The following WDR27 variants were observed in gnomAD, a reference collection of about 807,000 sequenced individuals.
WDR27 encodes the protein WD repeat domain 27.
A neutral mutation model predicts 114.4 loss-of-function variants in WDR27; 100 were observed. That is an observed-to-expected ratio of 0.87 (90% CI 0.74 to 1.03). WDR27 has a LOEUF of 1.03. Among genes scored for constraint, WDR27 ranks in the 50% least tolerant of loss-of-function variants. The pLI, the probability that WDR27 is intolerant of heterozygous loss-of-function variation, is 0.00. For synonymous variants in WDR27, 449 were observed against 423.1 expected, an observed-to-expected ratio of 1.06 and a Z score of -0.75; for missense variants, 1,129 against 1,092.9, an observed-to-expected ratio of 1.03 and a Z score of -0.47.
chr6:169,696,921 A>G (rs1412880907), intron 1 of WDR27, among the ~76,000 whole-genome samples: 2 of 152,184 alleles, frequency 1.3e-5, no homozygotes, highest in African/African-American at 4.8e-5. Context: ...CTCAAAAACA[A>G]ACAAAAGCAA....
chr6:169,658,487 G>C (rs1264731814), intron 12 of WDR27, 129 bp from the exon 13 acceptor site: 9 of 683,184 alleles, frequency 1.3e-5, no homozygotes, highest in Non-Finnish European at 2.3e-5. Flanking sequence ...AACAGTATCT[G>C]AAAATGAAAA....
the WDR27 span, among the ~76,000 whole-genome samples, chr6:169,442,453 G>T: frequency 1.3e-5 from 2 of 152,018 alleles, no homozygotes; most frequent in Non-Finnish European, 1.5e-5. Context: ...TGTTTGTTTT[G>T]TATTTTCTTT....
At chr6:169,654,773 A>C (rs1045579952) in intron 13 of WDR27, among the ~76,000 whole-genome samples, 1 of 141,534 alleles carries the variant, frequency 7.1e-6, no homozygotes, top group South Asian at 2.2e-4. Context: ...CGCACAGCAG[A>C]AGGAGGCGCG....
At chr6:169,623,862 G>A (rs1195600566) in intron 21 of WDR27, among the ~76,000 whole-genome samples, 1 of 152,102 alleles carries the variant, frequency 6.6e-6, no homozygotes, top group Non-Finnish European at 1.5e-5. Flanking sequence ...TCCTCACACT[G>A]GCTGAGGGCA....
chr6:169,634,395 T>C (rs1217464381), intron 20 of WDR27, 33 bp downstream of exon 20: 1 of 1,543,834 alleles, frequency 6.5e-7, no homozygotes, highest in East Asian at 2.3e-5. Flanking sequence ...ACTCAGGGCG[T>C]AAAACCCTAC....
At chr6:169,435,895 T>C in the WDR27 span, among the ~76,000 whole-genome samples, 2 of 152,214 alleles carry the variant, frequency 1.3e-5, no homozygotes, top group African/African-American at 4.8e-5. Context: ...CAGAATGATA[T>C]GGTTTGGCTG....
At chr6:169,438,526 C>T in the WDR27 span, among the ~76,000 whole-genome samples, 53 of 152,266 alleles carry the variant, frequency 3.5e-4, no homozygotes, top group Admixed American at 1.3e-3. Flanking sequence ...CGTGAGCCAC[C>T]GCACCCAGCC....
chr6:169,448,518 G>A, the WDR27 span, among the ~76,000 whole-genome samples: 5 of 152,122 alleles, frequency 3.3e-5, no homozygotes, highest in Non-Finnish European at 1.5e-5. Flanking sequence ...ACTCAGCTGA[G>A]TGCCACAATA....
chr6:169,597,793 T>C lies in WDR27; in HGVS notation c.2424+4426A>G, dbSNP rs139553243. Among the ~76,000 whole-genome samples, 324 of 152,026 alleles carry C rather than the reference T, an allele frequency of 2.1e-3. 3 individuals carry two copies. The highest frequency in any genetic ancestry group is 7.5e-3 in the African/African-American group (311 of 41,488). On this transcript the variant is annotated intron_variant, in intron 23 of 25. Transcript: ENST00000448612. ...ACTTGACCCTCCATGGCCCTAAAGTTTTCAAGTTTTTATCTCTACATCCCT... is the reference window on the plus strand; with the variant it reads ...ACTTGACCCTCCATGGCCCTAAAGTCTTCAAGTTTTTATCTCTACATCCCT...
At chr6:169,502,925 T>C (rs1044219958) in intron 25 of WDR27, among the ~76,000 whole-genome samples, 1 of 152,144 alleles carries the variant, frequency 6.6e-6, no homozygotes, top group Admixed American at 6.5e-5. Flanking sequence ...ACTTCTTCTA[T>C]AGGCTTCCCC....
chr6:169,517,418 A>G (rs1793817035), intron 25 of WDR27, among the ~76,000 whole-genome samples: 1 of 152,236 alleles, frequency 6.6e-6, no homozygotes. Flanking sequence ...AACAGAGTGA[A>G]GCCAGCCTGC....
chr6:169,585,719 G>C (rs1016224340), intron 23 of WDR27, among the ~76,000 whole-genome samples: 14 of 152,056 alleles, frequency 9.2e-5, no homozygotes, highest in African/African-American at 3.4e-4. Flanking sequence ...TCACTGAGTG[G>C]CATCATAGAG....
chr6:169,552,172 T>G (rs1352174685), intron 25 of WDR27, among the ~76,000 whole-genome samples: 2 of 152,094 alleles, frequency 1.3e-5, no homozygotes, highest in Non-Finnish European at 2.9e-5. Context: ...GTTCTCATCG[T>G]CCCACCACCC....
At chr6:169,551,549 A>G (rs1028244092) in intron 25 of WDR27, among the ~76,000 whole-genome samples, 2 of 152,088 alleles carry the variant, frequency 1.3e-5, no homozygotes, top group African/African-American at 2.4e-5. Context: ...AGCCTGGCCA[A>G]CATGGTGAAA....
At chr6:169,479,267 CAACA>C (rs777376771) in intron 25 of WDR27, among the ~76,000 whole-genome samples, 2 of 151,938 alleles carry the variant, frequency 1.3e-5, no homozygotes, top group Non-Finnish European at 2.9e-5. Context: ...TACAAGTGGC[CAACA>C]AACAAATGAA....
rs1311149582 is a variant in WDR27, at chr6:169,596,327, T to A, written c.2424+5892A>T. 2.6e-5 allele frequency among the ~76,000 whole-genome samples: 4 copies of A among 152,098 alleles called. 1 individual carries two copies. The highest frequency in any genetic ancestry group is 6.3e-3 in the Middle Eastern group (2 of 316). ...TTTTATCATTTTCTTTATTTACTTC[T>A]CTCATTTGTATCCTTTTTCCCTATT... is the stretch of plus-strand genomic sequence containing the variant. On this transcript the variant is annotated intron_variant, in intron 23 of 25. Transcript: ENST00000448612.
intron 8 of WDR27, chr6:169,663,583 C>A (rs1826934767): frequency 6.5e-6 from 1 of 152,834 alleles, no homozygotes; most frequent in Non-Finnish European, 1.5e-5. Flanking sequence ...CTGTCGTCAA[C>A]AGGAAGCAAC....
At chr6:169,614,687 CAA>C (rs755678239) in intron 21 of WDR27, among the ~76,000 whole-genome samples, 5 of 103,330 alleles carry the variant, frequency 4.8e-5, no homozygotes, top group Non-Finnish European at 2.0e-5. Flanking sequence ...GACTCCATCT[CAA>C]AAAAAAAAAA....
chr6:169,446,972 C>T, the WDR27 span, among the ~76,000 whole-genome samples: 1 of 152,210 alleles, frequency 6.6e-6, no homozygotes, highest in African/African-American at 2.4e-5. Flanking sequence ...GGCTGAGAAG[C>T]ATGTGATCAT....
Sources: allele counts gnomAD v4.1 joint callset (sites outside exome capture counted in the v4.1 genomes callset), GRCh38; gene constraint gnomAD v4.1.1; transcripts MANE v1.5; gene names NCBI Gene and HGNC (gene_info 2026-07-23, HGNC 2026-07-21).